The following ZNF714 variants were observed in gnomAD, a reference collection of about 807,000 sequenced individuals.
The protein encoded by ZNF714 is zinc finger protein 714.
ZNF714 carries 32 observed loss-of-function variants against 46.2 expected under a neutral mutation model. The observed-to-expected ratio is 0.69, with a 90% CI of 0.52 to 0.93. ZNF714 has a LOEUF of 0.93. Ranked by LOEUF, ZNF714 falls within the 40% of genes least tolerant of loss-of-function variation. The pLI, the probability that ZNF714 is intolerant of heterozygous loss-of-function variation, is 0.00. For synonymous variants in ZNF714, 199 were observed against 213.1 expected (o/e 0.93, Z 0.58); for missense variants, 635 against 646.3 (o/e 0.98, Z 0.19).
At chr19:21,113,512 CTTT>C (rs35197492) in intron 4 of ZNF714, among the ~76,000 whole-genome samples, 2 of 135,690 alleles carry the variant, frequency 1.5e-5, no homozygotes, top group African/African-American at 2.7e-5. Flanking sequence ...CTTTTTTCTT[CTTT>C]TTTTTTTTTG....
intron 2 of ZNF714, among the ~76,000 whole-genome samples, chr19:21,087,216 T>C (rs1308997209): frequency 1.2e-5 from 1 of 85,466 alleles, no homozygotes; most frequent in East Asian, 3.5e-4. Flanking sequence ...CTTAGGGCAG[T>C]CTCAGCAAAA....
chr19:21,115,846 GT>G (rs1969583881), intron 4 of ZNF714, among the ~76,000 whole-genome samples: 1 of 150,918 alleles, frequency 6.6e-6, no homozygotes, highest in African/African-American at 2.4e-5. Flanking sequence ...TACAATTTCT[GT>G]TTTTTGGATA....
In ZNF714 at chr19:21,124,085, C is replaced by G. The variant is rs970231330; in HGVS notation, c.*5753C>G. The stretch of plus-strand genomic sequence containing the variant: ...CCAGTACCAGAAACTCCAGGTGGCC[C>G]AAGCTTAAAGTAAAAATCCTAAAGT... On this transcript the variant is annotated 3_prime_UTR_variant, in exon 5 of 5. Transcript: ENST00000456283. 4 of 152,170 alleles carry G rather than the reference C, an allele frequency of 2.6e-5. No homozygotes were observed. The highest frequency in any genetic ancestry group is 2.1e-4 in the South Asian group (1 of 4,830). 9.4% of individuals were successfully genotyped at this position (152,170 alleles called of 1,614,324 possible). A position where few individuals can be genotyped will look rare whatever the true frequency, so the allele number is the denominator to read the frequency against.
Position 21,117,147 on chromosome 19 carries a change from T to A in ZNF714, c.483T>A (p.His161Gln). The A allele has an allele frequency of 1.9e-6, 3 of 1,613,988 alleles. No homozygotes were observed. The highest frequency in any genetic ancestry group is 8.5e-7 in the Non-Finnish European group (1 of 1,179,936). Reference sequence around the variant, plus strand: ...CATTTTGCATGCTTTTACACCTACATCAACATAAAAGAATTCATATTAGAG... The same window carrying A: ...CATTTTGCATGCTTTTACACCTACAACAACATAAAAGAATTCATATTAGAG... Reference protein sequence around the residue: ...DESFCMLLHLHQHKRIHIREN... With the variant: ...DESFCMLLHLQQHKRIHIREN... The change falls in exon 5 of 5, where the codon CAT (histidine) becomes CAA (glutamine). Residue 161 changes from histidine (H) to glutamine (Q), a missense_variant. Physicochemically the swap from His to Gln is conservative, Grantham distance 24. Coordinates refer to ENST00000456283, the MANE Select transcript of ZNF714 (RefSeq NM_182515.4).
chr19:21,099,248 A>G (rs7254982), intron 4 of ZNF714, among the ~76,000 whole-genome samples: 124,615 of 152,038 alleles, frequency 0.82, 53,013 homozygotes, highest in Middle Eastern at 0.93. Flanking sequence ...GCGTGATCTC[A>G]ACTCACTGCA....
rs2144886115 is a variant in ZNF714 at position 21,120,400 on chromosome 19, A to G, written c.*2068A>G. On this transcript the variant is annotated 3_prime_UTR_variant, in exon 5 of 5. Transcript: ENST00000456283. ...TGATCTTTTCTATTGAAAAGTAAAA[A>G]CATTAGAATGTAAGATGCATAATGA... is the stretch of plus-strand genomic sequence containing the variant. 6.6e-6 allele frequency: 1 copy of G among 152,320 alleles called. No homozygotes were observed. Among genetic ancestry groups the G allele is most frequent in the Non-Finnish European group, 1.5e-5 (1 of 68,014 alleles). The allele number at this position is 152,320 out of a possible 1,614,324, so 9.4% of individuals were successfully genotyped here. A position where few individuals can be genotyped will look rare whatever the true frequency, so the allele number is the denominator to read the frequency against.
intron 4 of ZNF714, among the ~76,000 whole-genome samples, chr19:21,102,140 T>C (rs1969196400): frequency 6.6e-6 from 1 of 152,218 alleles, no homozygotes; most frequent in Non-Finnish European, 1.5e-5. Flanking sequence ...AAAAACTTTT[T>C]TGCTGTGGTG....
chr19:21,124,410 C>T lies in ZNF714; in HGVS notation c.*6078C>T, dbSNP rs1210925889. Among the ~76,000 whole-genome samples, 10 of 151,974 alleles carry T rather than the reference C, an allele frequency of 6.6e-5. No individual in the cohort carries two copies. Among genetic ancestry groups the T allele is most frequent in the African/African-American group, 1.9e-4 (8 of 41,354 alleles). ...CTAAAAAATTAAATGACAATAGTCC[C>T]CAAACTATGTATTTTCATACTATTT... On this transcript the variant is annotated 3_prime_UTR_variant, in exon 5 of 5. Coordinates refer to ENST00000456283, the MANE Select transcript of ZNF714 (RefSeq NM_182515.4).
In ZNF714 at chr19:21,121,405, AT is replaced by A; in HGVS notation, c.*3078del. 6.6e-6 allele frequency: 1 copy of A among 152,162 alleles called. No homozygotes were observed. The highest frequency in any genetic ancestry group is 1.5e-5 in the Non-Finnish European group (1 of 68,028). The allele number at this position is 152,162 out of a possible 1,614,324, so 9.4% of individuals were successfully genotyped here. Reference sequence around the variant, plus strand: ...TACAATTGTTATTTACTATAGAGTTATTTTTATGGTCATAATACAAATTATA... The same window carrying A: ...TACAATTGTTATTTACTATAGAGTTATTTTATGGTCATAATACAAATTATA... On this transcript the variant is annotated 3_prime_UTR_variant, in exon 5 of 5. Coordinates refer to ENST00000456283, the MANE Select transcript of ZNF714 (RefSeq NM_182515.4).
chr19:21,092,551 A>G (rs139599326), intron 2 of ZNF714, among the ~76,000 whole-genome samples: 4 of 152,118 alleles, frequency 2.6e-5, no homozygotes, highest in African/African-American at 9.6e-5. Flanking sequence ...GTCCACTTAC[A>G]TTGCATTCTT....
chr19:21,084,461 C>T lies in ZNF714; in HGVS notation c.-85+392C>T, dbSNP rs927671244. Among the ~76,000 whole-genome samples the T allele has an allele frequency of 4.6e-5, 7 of 151,980 alleles. No individual in the cohort carries two copies. In the East Asian group the frequency reaches 5.8e-4, roughly 13 times the overall value. ...AGTAAAATGCCTCTGGAGCAGCCAC[C>T]GAGAAATACTGCAGTGTCTCCTGAA... On this transcript the variant is annotated intron_variant, in intron 2 of 4. Coordinates refer to ENST00000456283, the MANE Select transcript of ZNF714 (RefSeq NM_182515.4).
At chr19:21,101,263 A>C (rs1048266329) in intron 4 of ZNF714, among the ~76,000 whole-genome samples, 2 of 152,136 alleles carry the variant, frequency 1.3e-5, no homozygotes, top group Admixed American at 1.3e-4. Context: ...ATCTGGTTTC[A>C]GGAGGTAAAG....
At position 21,117,153 on chromosome 19, in the gene ZNF714, TA is replaced by T. The variant is rs1221976108; in HGVS notation, c.493del (p.Arg165GlufsTer57). The T allele has an allele frequency of 6.2e-7, 1 of 1,613,902 alleles. No individual in the cohort carries two copies. Among genetic ancestry groups the T allele is most frequent in the Non-Finnish European group, 8.5e-7 (1 of 1,179,928 alleles). ...GCATGCTTTTACACCTACATCAACA[TA>T]AAAGAATTCATATTAGAGAGAATTC... ...FCMLLHLHQH[K>X]RIHIRENSYQ... On this transcript the variant is annotated frameshift_variant, in exon 5 of 5. Coordinates refer to ENST00000456283, the MANE Select transcript of ZNF714 (RefSeq NM_182515.4). LOFTEE classifies it high-confidence loss of function.
chr19:21,088,947 G>A (rs926995641), intron 2 of ZNF714, among the ~76,000 whole-genome samples: 1 of 151,974 alleles, frequency 6.6e-6, no homozygotes, highest in African/African-American at 2.4e-5. Flanking sequence ...TGGGACATGG[G>A]GACACCTCCA....
rs757089710 is a variant in ZNF714 at position 21,117,214 on chromosome 19, C to A, written c.550C>A (p.Arg184=). Residue 184 remains arginine (R), a synonymous_variant, in exon 5 of 5, where the codon CGG becomes AGG. Transcript: ENST00000456283. ...TGAAGAATGTGACAAAGTGTTTAAG[C>A]GGTTCTCAACCCTTACTAGACACAA... ...QCEECDKVFK[R]FSTLTRHKRV... is the part of the protein sequence containing the mutation. The A allele has an allele frequency of 6.2e-7, 1 of 1,613,930 alleles. No homozygotes were observed. Among genetic ancestry groups the A allele is most frequent in the Non-Finnish European group, 8.5e-7 (1 of 1,179,908 alleles).
At chr19:21,086,292 G>T (rs1031480935) in intron 2 of ZNF714, among the ~76,000 whole-genome samples, 2 of 152,048 alleles carry the variant, frequency 1.3e-5, no homozygotes, top group African/African-American at 2.4e-5. Context: ...TCTTGATTTC[G>T]CTCAAGAAAA....
intron 2 of ZNF714, among the ~76,000 whole-genome samples, chr19:21,096,471 T>C (rs755515169): frequency 6.6e-6 from 1 of 152,188 alleles, no homozygotes; most frequent in Non-Finnish European, 1.5e-5. Flanking sequence ...TGGAGTGCCA[T>C]GAGTTTAGTA....
rs573103831 is a variant in ZNF714, at chr19:21,093,909, C to G, written c.-84-4276C>G. 9.5e-4 allele frequency among the ~76,000 whole-genome samples: 144 copies of G among 152,350 alleles called. 3 individuals carry two copies. In the South Asian group the frequency reaches 0.029, roughly 31 times the overall value. ...TCGGCCTCCCAAAGTGCCGGGATTA[C>G]AAGTGTGAACCACCTCACCTGACCA... On this transcript the variant is annotated intron_variant, in intron 2 of 4. Transcript: ENST00000456283.
chr19:21,088,584 CTG>C (rs1057209302), intron 2 of ZNF714, among the ~76,000 whole-genome samples: 51 of 152,256 alleles, frequency 3.3e-4, no homozygotes, highest in African/African-American at 1.2e-3. Flanking sequence ...ATCTTTAAAA[CTG>C]TTTTTATTTC....
Sources: gnomAD v4.1 joint callset for allele counts (sites outside exome capture counted in the v4.1 genomes callset) on GRCh38, gnomAD v4.1.1 for gene constraint, MANE v1.5 for transcripts, NCBI Gene and HGNC (gene_info 2026-07-23, HGNC 2026-07-21) for gene names.